Variants in CRTAC1 observed in about 807,000 individuals in gnomAD.
The protein encoded by CRTAC1 is cartilage acidic protein 1.
In CRTAC1, 37 loss-of-function variants were observed where a neutral mutation model predicts 67.8. The ratio of observed to expected loss-of-function variants is 0.55; its 90% CI spans 0.42 to 0.72. The LOEUF (loss-of-function observed/expected upper bound fraction) is 0.72, where lower values mean the gene tolerates loss of function less well. Among genes scored for constraint, CRTAC1 ranks in the 30% least tolerant of loss-of-function variants. The pLI is 0.00. For synonymous variants in CRTAC1, 348 were observed against 371.0 expected (o/e 0.94, Z 0.71); for missense variants, 780 against 931.6 (o/e 0.84, Z 2.12).
chr10:97,918,795 GTT>G (rs10586431), intron 4 of CRTAC1, among the ~76,000 whole-genome samples: 97,289 of 146,690 alleles, frequency 0.66, 33,364 homozygotes, highest in East Asian at 0.84. Context: ...GGTGTTTTTT[GTT>G]TTTTTTTTTT....
At chr10:97,977,969 G>A (rs1040620813) in intron 2 of CRTAC1, among the ~76,000 whole-genome samples, 1 of 152,132 alleles carries the variant, frequency 6.6e-6, no homozygotes, top group Non-Finnish European at 1.5e-5. Flanking sequence ...TCTTCCTGAG[G>A]TTTTATATCA....
At chr10:97,931,697 CGGTAGTGGT>C (rs1554921998) in intron 3 of CRTAC1, among the ~76,000 whole-genome samples, 2 of 152,216 alleles carry the variant, frequency 1.3e-5, no homozygotes, top group Non-Finnish European at 2.9e-5. Flanking sequence ...CATGAAAGTA[CGGTAGTGGT>C]GGGGCTCACA....
chr10:97,891,672 T>C (rs970129831), intron 11 of CRTAC1, among the ~76,000 whole-genome samples: 19 of 152,348 alleles, frequency 1.2e-4, no homozygotes, highest in African/African-American at 4.1e-4. Flanking sequence ...CACCTCTGTC[T>C]TTCTGTCGCC....
chr10:97,981,310 G>A (rs927612150), intron 2 of CRTAC1, among the ~76,000 whole-genome samples: 14 of 152,168 alleles, frequency 9.2e-5, no homozygotes, highest in African/African-American at 2.2e-4. Flanking sequence ...CTAGGATAGC[G>A]TTTAATACTT....
chr10:97,927,620 G>A (rs2050940938), intron 3 of CRTAC1, among the ~76,000 whole-genome samples: 1 of 152,192 alleles, frequency 6.6e-6, no homozygotes, highest in African/African-American at 2.4e-5. Flanking sequence ...AGCTCACCAG[G>A]GATGCCCAGA....
At position 97,897,011 on chromosome 10, in the gene CRTAC1, C is replaced by T. The variant is rs766570741; in HGVS notation, c.1134-20G>A. On this transcript the variant is annotated intron_variant, in intron 8 of 14. Coordinates refer to ENST00000370597, the MANE Select transcript of CRTAC1 (RefSeq NM_018058.7). Reference sequence around the variant, plus strand: ...ATGACGCTGCAGGAGAGGAGACAGGCTTGCTCTGGTGGGGTCTCAGAGGCC... The same window carrying T: ...ATGACGCTGCAGGAGAGGAGACAGGTTTGCTCTGGTGGGGTCTCAGAGGCC... The T allele has an allele frequency of 7.1e-6, 11 of 1,543,922 alleles. No individual in the cohort carries two copies. Among genetic ancestry groups the T allele is most frequent in the Non-Finnish European group, 8.8e-6 (10 of 1,140,830 alleles).
intron 5 of CRTAC1, among the ~76,000 whole-genome samples, chr10:97,915,296 T>C (rs2136585176): frequency 6.6e-6 from 1 of 152,380 alleles, no homozygotes; most frequent in South Asian, 2.1e-4. Context: ...GATGGGGCTC[T>C]AAGTGCTAGC....
At chr10:97,897,844 G>A (rs932843389) in intron 8 of CRTAC1, among the ~76,000 whole-genome samples, 2 of 152,230 alleles carry the variant, frequency 1.3e-5, no homozygotes, top group Non-Finnish European at 1.5e-5. Context: ...AAGGTAGGGT[G>A]TAAGGAAGAA....
Position 98,030,588 on chromosome 10 carries a change from C to T in CRTAC1, c.-116G>A. 1.6e-6 allele frequency: 1 copy of T among 634,118 alleles called. No individual in the cohort carries two copies. Among genetic ancestry groups the T allele is most frequent in the Non-Finnish European group, 2.3e-6 (1 of 442,446 alleles). 39.3% of individuals were successfully genotyped at this position (634,118 alleles called of 1,614,324 possible). On this transcript the variant is annotated 5_prime_UTR_variant, in exon 1 of 15. Transcript: ENST00000370597. The surrounding 1 kb of genome is among the most constrained non-coding windows in gnomAD (Gnocchi z 4.2). The stretch of plus-strand genomic sequence containing the variant: ...GCCCCGGTCCCGGGCTGGCCTCGAG[C>T]CTCCCGCCCCGACGCCGCGCGCTCG...
At chr10:98,003,046 G>A (rs559336052) in intron 2 of CRTAC1, among the ~76,000 whole-genome samples, 2 of 152,030 alleles carry the variant, frequency 1.3e-5, no homozygotes, top group South Asian at 4.2e-4. Flanking sequence ...GCCTCCCAAA[G>A]TGCTGGGATT....
intron 8 of CRTAC1, among the ~76,000 whole-genome samples, chr10:97,901,211 G>T (rs1217270702): frequency 6.6e-6 from 1 of 152,110 alleles, no homozygotes; most frequent in Non-Finnish European, 1.5e-5. Flanking sequence ...GTGTGGCTTT[G>T]TATCTTGTGG....
intron 2 of CRTAC1, among the ~76,000 whole-genome samples, chr10:97,939,073 T>C (rs1053979506): frequency 2.0e-5 from 3 of 152,174 alleles, no homozygotes; most frequent in Non-Finnish European, 2.9e-5. Flanking sequence ...GAAGCCACCA[T>C]AGAAGCCCAG....
At chr10:98,006,987 G>A (rs1222160292) in intron 2 of CRTAC1, among the ~76,000 whole-genome samples, 1 of 152,198 alleles carries the variant, frequency 6.6e-6, no homozygotes, top group Non-Finnish European at 1.5e-5. Flanking sequence ...AAATCTAAGA[G>A]TCAAAATCAG....
At chr10:97,955,630 T>C (rs1041366768) in intron 2 of CRTAC1, among the ~76,000 whole-genome samples, 2 of 152,200 alleles carry the variant, frequency 1.3e-5, no homozygotes, top group Admixed American at 1.3e-4. Context: ...ATATTCAATC[T>C]GGGATGTCAT....
chr10:97,982,652 G>C (rs2051910965), intron 2 of CRTAC1, among the ~76,000 whole-genome samples: 1 of 152,160 alleles, frequency 6.6e-6, no homozygotes, highest in Non-Finnish European at 1.5e-5. Context: ...AGATTAGGGG[G>C]TGAGCCTCTA....
chr10:97,885,610 G>A (rs1477786770), intron 11 of CRTAC1, among the ~76,000 whole-genome samples: 1 of 152,224 alleles, frequency 6.6e-6, no homozygotes, highest in Non-Finnish European at 1.5e-5. Context: ...GCCCGTCACT[G>A]TGGCAAGGTC....
At chr10:97,958,825 T>G (rs1208054609) in intron 2 of CRTAC1, among the ~76,000 whole-genome samples, 5 of 152,052 alleles carry the variant, frequency 3.3e-5, no homozygotes, top group African/African-American at 1.2e-4. Flanking sequence ...CCAGAGAGAA[T>G]CCACCAGGAT....
chr10:98,027,333 G>A (rs1260498536), intron 1 of CRTAC1, among the ~76,000 whole-genome samples: 1 of 152,128 alleles, frequency 6.6e-6, no homozygotes, highest in Non-Finnish European at 1.5e-5. Context: ...ATAAGGATTT[G>A]GCAAAAATAG....
At chr10:97,937,951 G>A (rs2051114854) in intron 2 of CRTAC1, among the ~76,000 whole-genome samples, 1 of 152,202 alleles carries the variant, frequency 6.6e-6, no homozygotes, top group African/African-American at 2.4e-5. Context: ...AGCTTTCTAA[G>A]GTCTTTGAGA....
Sources: gnomAD v4.1 joint callset for allele counts (sites outside exome capture counted in the v4.1 genomes callset) on GRCh38, gnomAD v4.1.1 for gene constraint, Gnocchi (gnomAD v3.1) non-coding constraint, MANE v1.5 for transcripts, NCBI Gene and HGNC (gene_info 2026-07-23, HGNC 2026-07-21) for gene names.